MYO10: variants seen among roughly 807,000 people sequenced by gnomAD.
MYO10 encodes the protein unconventional myosin-X.
MYO10 carries 133 observed loss-of-function variants against 257.3 expected under a neutral mutation model. The ratio of observed to expected loss-of-function variants is 0.52; its 90% CI spans 0.45 to 0.60. The LOEUF (loss-of-function observed/expected upper bound fraction) is 0.60, where lower values mean the gene tolerates loss of function less well. MYO10 is among the 20% of genes least tolerant of loss of function. The pLI is 0.00. For synonymous variants in MYO10, 1,104 were observed against 1,028.6 expected (o/e 1.07, Z -1.40); for missense variants, 2,399 against 2,635.7 (o/e 0.91, Z 1.97).
chr5:16,843,003 G>C (rs1454453945), intron 2 of MYO10, among the ~76,000 whole-genome samples: 1 of 151,578 alleles, frequency 6.6e-6, no homozygotes, highest in Non-Finnish European at 1.5e-5. Context: ...ACACCCGTTG[G>C]CTCAATCATG....
At chr5:16,754,665 A>G (rs144236537) in intron 19 of MYO10, among the ~76,000 whole-genome samples, 163 bp downstream of exon 19, 1,986 of 152,280 alleles carry the variant, frequency 0.013, 34 homozygotes, top group African/African-American at 0.045. Context: ...GGCCCAAGGG[A>G]CAAAGGGAAC....
At chr5:16,811,798 G>A (rs187985844) in intron 3 of MYO10, among the ~76,000 whole-genome samples, 56 of 152,148 alleles carry the variant, frequency 3.7e-4, no homozygotes, top group Non-Finnish European at 7.2e-4. Context: ...CGATCCTCCC[G>A]CCTCAGCCTC....
At chr5:16,928,075 C>A (rs1483242499) in intron 1 of MYO10, among the ~76,000 whole-genome samples, 1 of 152,168 alleles carries the variant, frequency 6.6e-6, no homozygotes, top group Non-Finnish European at 1.5e-5. Flanking sequence ...TATCAAAAAA[C>A]CTCAAGTAAC....
At chr5:16,752,326 A>C (rs1203245580) in intron 19 of MYO10, among the ~76,000 whole-genome samples, 3 of 152,178 alleles carry the variant, frequency 2.0e-5, no homozygotes, top group Non-Finnish European at 4.4e-5. Flanking sequence ...TGTATTCCAC[A>C]GGCTGGAGTG....
chr5:16,745,123 T>C (rs1416551405), intron 19 of MYO10, among the ~76,000 whole-genome samples: 1 of 152,128 alleles, frequency 6.6e-6, no homozygotes, highest in Non-Finnish European at 1.5e-5. Context: ...GTGGATCACC[T>C]GAGGTCAGGA....
intron 40 of MYO10, among the ~76,000 whole-genome samples, chr5:16,667,262 C>G (rs1736216086): frequency 6.6e-6 from 1 of 152,252 alleles, no homozygotes; most frequent in South Asian, 2.1e-4. Context: ...GGGAGAGCGG[C>G]CAGCTCCCCA....
chr5:16,767,110 C>CTACACATG (rs759892098), intron 10 of MYO10, among the ~76,000 whole-genome samples: 8 of 151,352 alleles, frequency 5.3e-5, no homozygotes, highest in Non-Finnish European at 1.2e-4. Context: ...ATTCCAAAGG[C>CTACACATG]TACACATGAG....
chr5:16,911,857 G>A (rs373929852), intron 1 of MYO10, among the ~76,000 whole-genome samples: 1 of 152,006 alleles, frequency 6.6e-6, no homozygotes, highest in Admixed American at 6.6e-5. Flanking sequence ...GGCCAACATG[G>A]TGAAACCCCA....
chr5:16,807,437 C>T (rs1175821687), intron 3 of MYO10, among the ~76,000 whole-genome samples: 1 of 152,106 alleles, frequency 6.6e-6, no homozygotes, highest in African/African-American at 2.4e-5. Context: ...CACACAGTAA[C>T]CCCTCCTAAC....
At chr5:16,690,373 A>T (rs543708353) in intron 27 of MYO10, among the ~76,000 whole-genome samples, 1 of 152,260 alleles carries the variant, frequency 6.6e-6, no homozygotes, top group East Asian at 1.9e-4. Flanking sequence ...ACCAAAAGAC[A>T]TGGAGGGACC....
chr5:16,673,623 C>T lies in MYO10; in HGVS notation c.5172+59G>A, dbSNP rs78992158. On this transcript the variant is annotated intron_variant, in intron 36 of 40. Coordinates refer to ENST00000513610, the MANE Select transcript of MYO10 (RefSeq NM_012334.3). ...CTCTAATGCTGCACAATGTTCCTGACGCAGGTGTATCTGCAGCAAAGGCAT... is the reference window on the plus strand; with the variant it reads ...CTCTAATGCTGCACAATGTTCCTGATGCAGGTGTATCTGCAGCAAAGGCAT... 1.0e-3 allele frequency: 1,595 copies of T among 1,532,180 alleles called. 23 individuals are homozygous for T. In the East Asian group the frequency reaches 0.032, roughly 31 times the overall value. The allele number at this position is 1,532,180 out of a possible 1,614,324, so 94.9% of individuals were successfully genotyped here.
Position 16,715,392 on chromosome 5 carries a change from A to ATTTTTT in MYO10, c.1930-4153_1930-4148dup, listed in dbSNP as rs372307063. On this transcript the variant is annotated intron_variant, in intron 19 of 40. Transcript: ENST00000513610. ...ATGGCGATGGTGCCGTAAGATTGAAATTTTTTTTTTTTTTTTTTTTTTTTT... is the reference window on the plus strand; with the variant it reads ...ATGGCGATGGTGCCGTAAGATTGAAATTTTTTTTTTTTTTTTTTTTTTTTTTTTTTT... Among the ~76,000 whole-genome samples, 173 of 84,346 alleles carry ATTTTTT rather than the reference A, an allele frequency of 2.1e-3. 1 individual carries two copies. The highest frequency in any genetic ancestry group is 0.011 in the Middle Eastern group (1 of 90). 55.3% of individuals were successfully genotyped at this position (84,346 alleles called of 152,430 possible).
chr5:16,926,460 C>T (rs935051241), intron 1 of MYO10, among the ~76,000 whole-genome samples: 2 of 152,066 alleles, frequency 1.3e-5, no homozygotes, highest in Non-Finnish European at 1.5e-5. Context: ...CCAGAACTTC[C>T]GGAGGCCAAG....
Position 16,681,297 on chromosome 5 carries a change from C to T in MYO10, c.4384+12G>A. 6.2e-7 allele frequency: 1 copy of T among 1,600,998 alleles called. No individual in the cohort carries two copies. Among genetic ancestry groups the T allele is most frequent in the Non-Finnish European group, 8.5e-7 (1 of 1,175,368 alleles). The stretch of plus-strand genomic sequence containing the variant: ...ATTTGATGCTCAGGGTTCGGGCAGC[C>T]AGCCTGGTTACCTGTCTCTTTGAAT... On this transcript the variant is annotated intron_variant, in intron 32 of 40. Coordinates refer to ENST00000513610, the MANE Select transcript of MYO10 (RefSeq NM_012334.3).
chr5:16,931,494 G>A (rs1423983800), intron 1 of MYO10, among the ~76,000 whole-genome samples: 1 of 152,078 alleles, frequency 6.6e-6, no homozygotes, highest in Non-Finnish European at 1.5e-5. Flanking sequence ...TGATTTTGCA[G>A]GAACAGCCGG....
At chr5:16,925,934 G>A (rs1364175737) in intron 1 of MYO10, among the ~76,000 whole-genome samples, 1 of 152,146 alleles carries the variant, frequency 6.6e-6, no homozygotes, top group East Asian at 1.9e-4. Context: ...ACTCCAAAAT[G>A]CTCCAAACAG....
chr5:16,754,955 T>C, intron 18 of MYO10, 47 bp from the exon 19 acceptor site: 1 of 1,306,788 alleles, frequency 7.7e-7, no homozygotes, highest in Non-Finnish European at 1.1e-6. Flanking sequence ...TATGTCATTC[T>C]TTAAATTTCT....
intron 2 of MYO10, among the ~76,000 whole-genome samples, chr5:16,837,596 G>A (rs974893402): frequency 1.3e-5 from 2 of 152,108 alleles, no homozygotes; most frequent in African/African-American, 4.8e-5. Flanking sequence ...TTGCTGAATG[G>A]TACACTTTGA....
chr5:16,930,461 C>A (rs866294238), intron 1 of MYO10, among the ~76,000 whole-genome samples: 1 of 152,140 alleles, frequency 6.6e-6, no homozygotes, highest in African/African-American at 2.4e-5. Context: ...TCTGGAAATA[C>A]AAAATCTGCC....
Sources: gnomAD v4.1 joint callset for allele counts (sites outside exome capture counted in the v4.1 genomes callset) on GRCh38, gnomAD v4.1.1 for gene constraint, MANE v1.5 for transcripts, NCBI Gene and HGNC (gene_info 2026-07-23, HGNC 2026-07-21) for gene names.